FES: variants seen among roughly 807,000 people sequenced by gnomAD.
The protein encoded by FES is FES proto-oncogene, tyrosine kinase.
FES carries 83 observed loss-of-function variants against 109.6 expected under a neutral mutation model. The ratio of observed to expected loss-of-function variants is 0.76; its 90% CI spans 0.63 to 0.91. The LOEUF (loss-of-function observed/expected upper bound fraction) is 0.91. Among genes scored for constraint, FES ranks in the 40% least tolerant of loss-of-function variants. FES has a pLI of 0.00. For missense variants in FES, 943 were observed against 1,070.9 expected, an observed-to-expected ratio of 0.88 and a Z score of 1.67; for synonymous variants, 458 against 442.1, an observed-to-expected ratio of 1.04 and a Z score of -0.45.
rs1415007774 is a variant in FES at position 90,886,975 on chromosome 15, C to G, written c.402C>G (p.Asp134Glu). Residue 134 changes from aspartate to glutamate, a missense_variant, in exon 4 of 19, where the codon GAC becomes GAG. Coordinates refer to ENST00000328850, the MANE Select transcript of FES (RefSeq NM_002005.4). ...QQELTKTHSQDIEKLKSQYRA... is the reference protein window; with the variant it reads ...QQELTKTHSQEIEKLKSQYRA... ...TCTCTCCCTAGACCCACAGCCAGGA[C>G]ATTGAGAAGCTGAAGAGCCAGTACC... The G allele has an allele frequency of 1.2e-6, 2 of 1,614,052 alleles. No homozygotes were observed. The highest frequency in any genetic ancestry group is 1.7e-6 in the Non-Finnish European group (2 of 1,180,032).
intron 1 of FES, 52 bp from the exon 2 acceptor site, chr15:90,884,985 C>A: frequency 1.4e-6 from 2 of 1,458,256 alleles, no homozygotes; most frequent in South Asian, 1.3e-5. Context: ...TCCCATGCCT[C>A]CGTCTCCAGC....
intron 1 of FES, 164 bp downstream of exon 1, chr15:90,884,708 G>A (rs916248218): frequency 7.2e-5 from 15 of 209,462 alleles, no homozygotes; most frequent in African/African-American, 3.5e-4. Context: ...GGCGCCTGAG[G>A]CTTCAGCTGG....
At chr15:90,894,942 CTGTAATCCCAGCT>C (rs2033576634) in intron 18 of FES, among the ~76,000 whole-genome samples, 1 of 152,102 alleles carries the variant, frequency 6.6e-6, no homozygotes, top group African/African-American at 2.4e-5. Flanking sequence ...TGGTGCAAGC[CTGTAATCCCAGCT>C]ACTTGGGAGG....
rs2033414889 is a variant in FES at position 90,893,403 on chromosome 15, C to T, written c.2034C>T (p.Cys678=). ...GCATGGAGTACCTGGAGAGCAAGTGCTGCATCCACCGGTGAGTGGGCGGTG... is the reference window on the plus strand; with the variant it reads ...GCATGGAGTACCTGGAGAGCAAGTGTTGCATCCACCGGTGAGTGGGCGGTG... ...AAGMEYLESK[C]CIHRDLAARN... is the part of the protein sequence containing the mutation. Residue 678 remains cysteine (C), a synonymous_variant, in exon 16 of 19, where the codon TGC becomes TGT. Coordinates refer to ENST00000328850, the MANE Select transcript of FES (RefSeq NM_002005.4). 10 of 1,546,908 alleles carry T rather than the reference C, an allele frequency of 6.5e-6. No homozygotes were observed. Among genetic ancestry groups the T allele is most frequent in the Non-Finnish European group, 8.7e-6 (10 of 1,149,518 alleles).
At position 90,885,604 on chromosome 15, in the gene FES, G is replaced by A; in HGVS notation, c.387+19G>A. On this transcript the variant is annotated intron_variant, in intron 3 of 18. Coordinates refer to ENST00000328850, the MANE Select transcript of FES (RefSeq NM_002005.4). ...CACCAAGGTGAGCGGGCAGCACTGGGGCTTCGGTCATTTCTGTCTAAATTT... is the reference window on the plus strand; with the variant it reads ...CACCAAGGTGAGCGGGCAGCACTGGAGCTTCGGTCATTTCTGTCTAAATTT... The A allele has an allele frequency of 1.2e-6, 2 of 1,607,188 alleles. No individual in the cohort carries two copies. The highest frequency in any genetic ancestry group is 1.7e-6 in the Non-Finnish European group (2 of 1,177,990).
intron 16 of FES, 67 bp from the exon 17 acceptor site, chr15:90,893,587 T>C: frequency 6.6e-7 from 1 of 1,517,368 alleles, no homozygotes; most frequent in Non-Finnish European, 8.8e-7. Context: ...TTGGCTTTCC[T>C]AGAGTGTTCA....
intron 16 of FES, 84 bp from the exon 17 acceptor site, chr15:90,893,570 T>C (rs1381670316): frequency 6.6e-7 from 1 of 1,506,228 alleles, no homozygotes; most frequent in African/African-American, 1.4e-5. Flanking sequence ...GGGAGCAGCT[T>C]TTGTCCTTGG....
rs200003802 is a variant in FES, at chr15:90,885,528, G to A, written c.330G>A (p.Gln110=). The change falls in exon 3 of 19, where the codon CAG becomes CAA. Residue 110 remains glutamine (Q), a synonymous_variant. Coordinates refer to ENST00000328850, the MANE Select transcript of FES (RefSeq NM_002005.4). ...TGAGCCTGCTCATCCGGGAACGGCA[G>A]CAGCTTCGCAAGACCTACAGCGAGC... ...SKLSLLIRER[Q]QLRKTYSEQW... 1.9e-6 allele frequency: 3 copies of A among 1,613,278 alleles called. No homozygotes were observed. The highest frequency in any genetic ancestry group is 2.5e-6 in the Non-Finnish European group (3 of 1,180,022).
chr15:90,892,734 C>T lies in FES; in HGVS notation c.1735C>T (p.Arg579Cys), dbSNP rs768229173. Residue 579 changes from arginine to cysteine, a missense_variant, in exon 14 of 19, where the codon CGC becomes TGC. Arg to Cys is a radical substitution (Grantham distance 180). Coordinates refer to ENST00000328850, the MANE Select transcript of FES (RefSeq NM_002005.4). ...RGNFGEVFSG[R>C]LRADNTLVAV... ...GAACTTTGGCGAAGTGTTCAGCGGA[C>T]GCCTGCGAGCCGACAACACCCTGGT... is the stretch of plus-strand genomic sequence containing the variant. 32 of 1,612,332 alleles carry T rather than the reference C, an allele frequency of 2.0e-5. No individual in the cohort carries two copies. Among genetic ancestry groups the T allele is most frequent in the South Asian group, 3.3e-5 (3 of 90,876 alleles).
chr15:90,892,804 C>T lies in FES; in HGVS notation c.1805C>T (p.Ala602Val). ...CRETLPPDLK[A>V]KFLQEARILK... is the part of the protein sequence containing the mutation. ...GAGACGCTCCCACCTGACCTCAAGG[C>T]CAAGTTTCTACAGGAAGCGAGGTGG... Residue 602 changes from alanine (A) to valine (V), a missense_variant, in exon 14 of 19, where the codon GCC becomes GTC. Coordinates refer to ENST00000328850, the MANE Select transcript of FES (RefSeq NM_002005.4). 6.2e-7 allele frequency: 1 copy of T among 1,613,750 alleles called. No homozygotes were observed. The highest frequency in any genetic ancestry group is 8.5e-7 in the Non-Finnish European group (1 of 1,179,902).
Position 90,885,423 on chromosome 15 carries a change from G to C in FES, c.225G>C (p.Glu75Asp). The change falls in exon 3 of 19, where the codon GAG becomes GAC. Residue 75 changes from glutamate (E) to aspartate (D), a missense_variant. Transcript: ENST00000328850. ...PDSPISQSWA[E>D]ITSQTEGLSR... ...TCTGTGCTGTATAGTCCTGGGCTGA[G>C]ATCACCAGCCAAACTGAGGGCCTGA... The C allele has an allele frequency of 6.2e-7, 1 of 1,612,714 alleles. No homozygotes were observed. Among genetic ancestry groups the C allele is most frequent in the South Asian group, 1.1e-5 (1 of 91,004 alleles).
chr15:90,893,159 A>G lies in FES; in HGVS notation c.1886A>G (p.Lys629Arg). 1.9e-6 allele frequency: 3 copies of G among 1,614,050 alleles called. No homozygotes were observed. Among genetic ancestry groups the G allele is most frequent in the Non-Finnish European group, 2.5e-6 (3 of 1,179,972 alleles). ...IVRLIGVCTQ[K>R]QPIYIVMELV... Reference sequence around the variant, plus strand: ...CGTCTCATTGGTGTCTGCACCCAGAAGCAGCCCATCTACATCGTCATGGAG... The same window carrying G: ...CGTCTCATTGGTGTCTGCACCCAGAGGCAGCCCATCTACATCGTCATGGAG... The change falls in exon 15 of 19, where the codon AAG (lysine) becomes AGG (arginine). Residue 629 changes from lysine (K) to arginine (R), a missense_variant. Transcript: ENST00000328850.
At chr15:90,888,698 G>A (rs2032897149) in intron 5 of FES, among the ~76,000 whole-genome samples, 1 of 152,188 alleles carries the variant, frequency 6.6e-6, no homozygotes, top group South Asian at 2.1e-4. Context: ...GTTAACTTAT[G>A]TAGGGAAGGC....
intron 18 of FES, 25 bp from the exon 19 acceptor site, chr15:90,895,391 T>C: frequency 1.3e-6 from 2 of 1,497,282 alleles, no homozygotes; most frequent in Non-Finnish European, 1.8e-6. Context: ...TCCTCATGCC[T>C]GGTGTGCTGT....
Position 90,889,874 on chromosome 15 carries a change from A to T in FES, c.961A>T (p.Thr321Ser), listed in dbSNP as rs201729285. 4.3e-6 allele frequency: 7 copies of T among 1,613,448 alleles called. No homozygotes were observed. Among genetic ancestry groups the T allele is most frequent in the Non-Finnish European group, 5.9e-6 (7 of 1,179,918 alleles). Residue 321 changes from threonine to serine, a missense_variant, in exon 8 of 19, where the codon ACC (threonine) becomes TCC (serine). Thr to Ser is a moderately conservative substitution (Grantham distance 58, BLOSUM62 1). Transcript: ENST00000328850. This position sits in a 1 kb window ranked among gnomAD's most constrained non-coding sequence, Gnocchi z 6.1. ...AGTGACAGATGAGCTGGCTGTGGCC[A>T]CCGAGATGGTGTTCAGGCGGCAGGA... is the stretch of plus-strand genomic sequence containing the variant. ...TSVTDELAVA[T>S]EMVFRRQEMV...
At chr15:90,885,368 G>T (rs1325830438) in intron 2 of FES, 44 bp from the exon 3 acceptor site, 2 of 1,596,864 alleles carry the variant, frequency 1.3e-6, no homozygotes, top group South Asian at 2.2e-5. Flanking sequence ...ATGCTTGGGA[G>T]CCATTGTGCC....
At chr15:90,886,876 G>A (rs1490113683) in intron 3 of FES, 85 bp from the exon 4 acceptor site, 6 of 1,308,792 alleles carry the variant, frequency 4.6e-6, no homozygotes, top group Non-Finnish European at 5.5e-6. Context: ...CCTGACGACA[G>A]GACCTTTCCA....
At chr15:90,892,944 G>A (rs1235807989) in intron 14 of FES, 119 bp downstream of exon 14, 2 of 1,330,366 alleles carry the variant, frequency 1.5e-6, no homozygotes, top group Admixed American at 1.8e-5. Context: ...CCCCATTGCG[G>A]GTAGTACCCC....
In FES at chr15:90,893,619, G is replaced by C. The variant is rs750980157; in HGVS notation, c.2046-35G>C. Reference sequence around the variant, plus strand: ...TTCAGCCAGGGCTGGGCAGGCGACTGTTGGCCAAATGAGCCCCTGCCCTGT... The same window carrying C: ...TTCAGCCAGGGCTGGGCAGGCGACTCTTGGCCAAATGAGCCCCTGCCCTGT... On this transcript the variant is annotated intron_variant, in intron 16 of 18. Coordinates refer to ENST00000328850, the MANE Select transcript of FES (RefSeq NM_002005.4). 4.6e-6 allele frequency: 7 copies of C among 1,538,190 alleles called. No individual in the cohort carries two copies. The South Asian group carries it at 7.5e-5, about 17-fold the overall frequency.
Sources: gnomAD v4.1 joint callset for allele counts (sites outside exome capture counted in the v4.1 genomes callset) on GRCh38, gnomAD v4.1.1 for gene constraint, Gnocchi (gnomAD v3.1) non-coding constraint, MANE v1.5 for transcripts, NCBI Gene and HGNC (gene_info 2026-07-23, HGNC 2026-07-21) for gene names.